MAP3K2: variants seen among roughly 807,000 people sequenced by gnomAD.
MAP3K2 encodes MAP/ERK kinase kinase 2.
In MAP3K2, 24 loss-of-function variants were observed where a neutral mutation model predicts 80.3. That is an observed-to-expected ratio of 0.30 (90% CI 0.22 to 0.42). The LOEUF (loss-of-function observed/expected upper bound fraction) is 0.42, where lower values mean the gene tolerates loss of function less well. Among genes scored for constraint, MAP3K2 ranks in the 10% least tolerant of loss-of-function variants. The pLI is 1.00. For synonymous variants in MAP3K2, 244 were observed against 253.7 expected, an observed-to-expected ratio of 0.96 and a Z score of 0.36; for missense variants, 608 against 750.1, an observed-to-expected ratio of 0.81 and a Z score of 2.21.
chr2:127,319,252 A>AAC (rs1553516125), intron 12 of MAP3K2, among the ~76,000 whole-genome samples: 15 of 150,894 alleles, frequency 9.9e-5, no homozygotes, highest in African/African-American at 2.9e-4. Context: ...AAAAAAAAAA[A>AAC]AACCCTACCC....
intron 5 of MAP3K2, among the ~76,000 whole-genome samples, chr2:127,333,729 C>T (rs1367848608): frequency 6.6e-6 from 1 of 151,860 alleles, no homozygotes; most frequent in Non-Finnish European, 1.5e-5. Flanking sequence ...TCACAGAAAT[C>T]CTTCAGAAAG....
At chr2:127,379,260 TAGAC>T (rs979488469) in intron 1 of MAP3K2, among the ~76,000 whole-genome samples, 8 of 152,328 alleles carry the variant, frequency 5.3e-5, no homozygotes, top group African/African-American at 1.2e-4. Flanking sequence ...TACATCAAAA[TAGAC>T]AGAATCTATG....
At chr2:127,385,539 G>C (rs1382692886) in intron 1 of MAP3K2, among the ~76,000 whole-genome samples, 2 of 152,124 alleles carry the variant, frequency 1.3e-5, no homozygotes, top group African/African-American at 4.8e-5. Flanking sequence ...TGGAACCAAA[G>C]CCACAATCTC....
rs1230681695 is a variant in MAP3K2 at position 127,304,001 on chromosome 2, T to C, written c.*3578A>G. The stretch of plus-strand genomic sequence containing the variant: ...GTAGCAGAGACTTAGTCTAAAGAAA[T>C]AGTTTCATCTTTTTAATGCAGTTTC... On this transcript the variant is annotated 3_prime_UTR_variant, in exon 17 of 17. Transcript: ENST00000682094. 6.6e-6 allele frequency: 1 copy of C among 152,136 alleles called. No homozygotes were observed. Among genetic ancestry groups the C allele is most frequent in the East Asian group, 1.9e-4 (1 of 5,194 alleles). 9.4% of individuals were successfully genotyped at this position (152,136 alleles called of 1,614,324 possible).
At chr2:127,344,876 G>A (rs1327916741) in intron 1 of MAP3K2, among the ~76,000 whole-genome samples, 2 of 151,930 alleles carry the variant, frequency 1.3e-5, no homozygotes, top group Non-Finnish European at 2.9e-5. Flanking sequence ...CTTTTTTTGG[G>A]GGACAGGAGG....
Position 127,387,577 on chromosome 2 carries a change from G to A in MAP3K2, c.-191C>T, listed in dbSNP as rs1243904923. 3.0e-6 allele frequency: 3 copies of A among 984,778 alleles called. No homozygotes were observed. Among genetic ancestry groups the A allele is most frequent in the Admixed American group, 6.2e-5 (1 of 16,226 alleles). 61.0% of individuals were successfully genotyped at this position (984,778 alleles called of 1,614,324 possible). On this transcript the variant is annotated 5_prime_UTR_variant, in exon 1 of 17. Coordinates refer to ENST00000682094, the MANE Select transcript of MAP3K2 (RefSeq NM_001371910.2). Reference sequence around the variant, plus strand: ...GGTCGGGGGCTGCCGCAGGGCCCCCGGGGACCGGAGGGGCGCGCGAGGAGT... The same window carrying A: ...GGTCGGGGGCTGCCGCAGGGCCCCCAGGGACCGGAGGGGCGCGCGAGGAGT...
At chr2:127,385,050 G>A (rs945613147) in intron 1 of MAP3K2, among the ~76,000 whole-genome samples, 1 of 152,164 alleles carries the variant, frequency 6.6e-6, no homozygotes, top group African/African-American at 2.4e-5. Context: ...GCAACGATAA[G>A]CAACTTAGAT....
At chr2:127,313,568 G>C (rs550716664) in intron 15 of MAP3K2, among the ~76,000 whole-genome samples, 3 of 152,126 alleles carry the variant, frequency 2.0e-5, no homozygotes, top group East Asian at 1.9e-4. Flanking sequence ...CTGGGAGCTC[G>C]TAAGAGTCCC....
In MAP3K2 at chr2:127,340,042, C is replaced by T. The variant is rs140723459; in HGVS notation, c.5-992G>A. 8.6e-3 allele frequency among the ~76,000 whole-genome samples: 1,308 copies of T among 152,236 alleles called. 18 individuals carry two copies. The highest frequency in any genetic ancestry group is 0.03 in the African/African-American group (1,248 of 41,538). On this transcript the variant is annotated intron_variant, in intron 2 of 16. Transcript: ENST00000682094. The stretch of plus-strand genomic sequence containing the variant: ...AATAGTCTCTCAAACACACAAACAG[C>T]TGACTTCTCTAATTTACTAATTTTT...
intron 2 of MAP3K2, among the ~76,000 whole-genome samples, chr2:127,342,647 CAA>C (rs1686518746): frequency 6.8e-6 from 1 of 147,978 alleles, no homozygotes; most frequent in African/African-American, 2.5e-5. Flanking sequence ...ACCCTTAACA[CAA>C]AGGAGAAAAG....
intron 7 of MAP3K2, among the ~76,000 whole-genome samples, chr2:127,329,122 A>C (rs1371272130): frequency 6.6e-6 from 1 of 152,194 alleles, no homozygotes; most frequent in Admixed American, 6.5e-5. Flanking sequence ...ACAGCATGCA[A>C]GATCTTTATT....
chr2:127,335,163 T>C (rs999387777), intron 5 of MAP3K2, among the ~76,000 whole-genome samples: 3 of 152,210 alleles, frequency 2.0e-5, no homozygotes, highest in Non-Finnish European at 4.4e-5. Flanking sequence ...CTATACTCCA[T>C]GAGGTGCTGC....
At position 127,298,756 on chromosome 2, in the gene MAP3K2, G is replaced by T. The variant is rs1453325626; in HGVS notation, c.*8823C>A. The T allele has an allele frequency of 2.6e-5, 4 of 152,298 alleles. No homozygotes were observed. Among genetic ancestry groups the T allele is most frequent in the Non-Finnish European group, 2.9e-5 (2 of 68,028 alleles). 9.4% of individuals were successfully genotyped at this position (152,298 alleles called of 1,614,324 possible). On this transcript the variant is annotated 3_prime_UTR_variant, in exon 17 of 17. Transcript: ENST00000682094. ...ATAGTCCAGAAGGTTACTTATTAGAGTAAGCCTTTGCACCACAATCTTTCA... is the reference window on the plus strand; with the variant it reads ...ATAGTCCAGAAGGTTACTTATTAGATTAAGCCTTTGCACCACAATCTTTCA...
In MAP3K2 at chr2:127,323,478, A is replaced by G. The variant is rs532923457; in HGVS notation, c.838+424T>C. 2.0e-5 allele frequency among the ~76,000 whole-genome samples: 3 copies of G among 152,186 alleles called. No homozygotes were observed. The East Asian group carries it at 5.8e-4, about 29-fold the overall frequency. On this transcript the variant is annotated intron_variant, in intron 11 of 16. Coordinates refer to ENST00000682094, the MANE Select transcript of MAP3K2 (RefSeq NM_001371910.2). ...GGCAGGAGGACCGCTTGAGCCCAAG[A>G]CTTCAAGACCAGCCTGGGCAACATG...
At chr2:127,315,926 A>T (rs968174856) in intron 14 of MAP3K2, among the ~76,000 whole-genome samples, 3 of 152,074 alleles carry the variant, frequency 2.0e-5, no homozygotes, top group African/African-American at 7.2e-5. Context: ...AATATAAAAA[A>T]TTAGCTGGGC....
intron 1 of MAP3K2, among the ~76,000 whole-genome samples, chr2:127,377,231 T>C: frequency 6.6e-6 from 1 of 151,600 alleles, no homozygotes; most frequent in East Asian, 1.9e-4. Context: ...GACGAGTTTA[T>C]TGTCATCCCA....
At chr2:127,337,705 C>A in intron 4 of MAP3K2, 33 bp downstream of exon 4, 1 of 1,245,102 alleles carries the variant, frequency 8.0e-7, no homozygotes, top group African/African-American at 1.5e-5. Context: ...TTGATTAAAT[C>A]AATTAATTAA....
At chr2:127,357,475 G>A (rs1342390057) in intron 1 of MAP3K2, among the ~76,000 whole-genome samples, 1 of 152,180 alleles carries the variant, frequency 6.6e-6, no homozygotes. Flanking sequence ...GCAAGGGAGG[G>A]AGACCCTGTT....
intron 1 of MAP3K2, among the ~76,000 whole-genome samples, chr2:127,383,486 T>C (rs891829057): frequency 3.9e-5 from 6 of 152,248 alleles, no homozygotes; most frequent in Non-Finnish European, 4.4e-5. Flanking sequence ...TGGATCGTCA[T>C]TGGTGTATAG....
Sources: gnomAD v4.1 joint callset for allele counts (sites outside exome capture counted in the v4.1 genomes callset) on GRCh38, gnomAD v4.1.1 for gene constraint, MANE v1.5 for transcripts, NCBI Gene and HGNC (gene_info 2026-07-23, HGNC 2026-07-21) for gene names.